The following CDC34 variants were observed in gnomAD, a reference collection of about 807,000 sequenced individuals.
The protein encoded by CDC34 is cell division cycle 34, ubiquitin conjugating enzyme.
In CDC34, 18 loss-of-function variants were observed where a neutral mutation model predicts 26.8. That is an observed-to-expected ratio of 0.67 (90% CI 0.47 to 1.00). The LOEUF (loss-of-function observed/expected upper bound fraction) is 1.00, where lower values mean the gene tolerates loss of function less well. CDC34 is among the 50% of genes least tolerant of loss of function. The pLI is 0.00. For missense variants in CDC34, 280 were observed against 334.5 expected, an observed-to-expected ratio of 0.84 and a Z score of 1.27; for synonymous variants, 178 against 147.5, an observed-to-expected ratio of 1.21 and a Z score of -1.50.
intron 4 of CDC34, 102 bp from the exon 5 acceptor site, chr19:541,236 GA>G: frequency 7.1e-7 from 1 of 1,404,136 alleles, no homozygotes; most frequent in South Asian, 1.5e-5. Context: ...CGTTTTAAGA[GA>G]AACCTGAGCG....
Position 541,540 on chromosome 19 carries a change from G to A in CDC34, c.699G>A (p.Thr233=), listed in dbSNP as rs146221392. The A allele has an allele frequency of 3.1e-6, 5 of 1,591,376 alleles. No homozygotes were observed. Among genetic ancestry groups the A allele is most frequent in the East Asian group, 2.2e-5 (1 of 44,522 alleles). The part of the protein sequence containing the change: ...CFGDDEDDSG[T]EES The stretch of plus-strand genomic sequence containing the variant: ...GGGACGATGAGGATGACTCTGGCAC[G>A]GAGGAGTCCTGACACCACCAGAATA... Residue 233 remains threonine (T), a synonymous_variant, in exon 5 of 5, where the codon ACG becomes ACA. Coordinates refer to ENST00000215574, the MANE Select transcript of CDC34 (RefSeq NM_004359.2).
At chr19:541,278 G>A in intron 4 of CDC34, 61 bp from the exon 5 acceptor site, 2 of 1,464,872 alleles carry the variant, frequency 1.4e-6, no homozygotes, top group South Asian at 1.4e-5. Flanking sequence ...GGGGGAGGGG[G>A]GCCGGGCAGG....
At chr19:534,869 C>T (rs1418192165) in intron 1 of CDC34, among the ~76,000 whole-genome samples, 1 of 147,506 alleles carries the variant, frequency 6.8e-6, no homozygotes, top group African/African-American at 2.5e-5. Flanking sequence ...AGTGCCCTCC[C>T]TGTCCAGACC....
rs1979787017 is a variant in CDC34, at chr19:537,020, C to T, written c.370C>T (p.Leu124Phe). The change falls in exon 4 of 5, where the codon CTC becomes TTC. Residue 124 changes from leucine to phenylalanine, a missense_variant. By Grantham distance (22) the Leu-to-Phe change is conservative. Transcript: ENST00000215574. Reference protein sequence around the residue: ...WNPTQNVRTILLSVISLLNEP... With the variant: ...WNPTQNVRTIFLSVISLLNEP... ...GACCCACTCTCCCCACAGGACCATT[C>T]TCCTGAGTGTGATCTCCCTCCTGAA... 1.2e-6 allele frequency: 2 copies of T among 1,613,582 alleles called. No individual in the cohort carries two copies. Among genetic ancestry groups the T allele is most frequent in the African/African-American group, 2.7e-5 (2 of 74,954 alleles).
chr19:537,281 C>T, intron 4 of CDC34, 134 bp downstream of exon 4: 12 of 1,015,902 alleles, frequency 1.2e-5, no homozygotes, highest in Non-Finnish European at 1.6e-5. Context: ...TTACAGGGTG[C>T]CAGTCACAGA....
At chr19:535,788 AGGTCTTGGGGCT>A in intron 1 of CDC34, 37 bp from the exon 2 acceptor site, 1 of 1,425,598 alleles carries the variant, frequency 7.0e-7, no homozygotes, top group Middle Eastern at 1.7e-4. Flanking sequence ...GAGCTGGGGC[AGGTCTTGGGGCT>A]GGGCTGGACT....
rs973485095 is a variant in CDC34, at chr19:541,956, C to T, written c.*404C>T. On this transcript the variant is annotated 3_prime_UTR_variant, in exon 5 of 5. Coordinates refer to ENST00000215574, the MANE Select transcript of CDC34 (RefSeq NM_004359.2). ...CCTGGGAGGCCCAGGTGTAGCGGTC[C>T]GAGGGGCCCGGTCCTGCCTGTCAGC... 4 of 163,592 alleles carry T rather than the reference C, an allele frequency of 2.4e-5. No individual in the cohort carries two copies. Among genetic ancestry groups the T allele is most frequent in the Admixed American group, 6.0e-5 (1 of 16,692 alleles). The allele number at this position is 163,592 out of a possible 1,614,324, so 10.1% of individuals were successfully genotyped here.
Position 541,638 on chromosome 19 carries a change from G to C in CDC34, c.*86G>C, listed in dbSNP as rs1046389708. On this transcript the variant is annotated 3_prime_UTR_variant, in exon 5 of 5. Transcript: ENST00000215574. ...CGACAGACTACCTCACGGAGGTTTTGTGCTGGTCCCCGTCTCCTCTGGTTG... is the reference window on the plus strand; with the variant it reads ...CGACAGACTACCTCACGGAGGTTTTCTGCTGGTCCCCGTCTCCTCTGGTTG... 6.4e-6 allele frequency: 9 copies of C among 1,411,760 alleles called. No individual in the cohort carries two copies. The highest frequency in any genetic ancestry group is 2.9e-5 in the South Asian group (2 of 68,122). The allele number at this position is 1,411,760 out of a possible 1,614,324, so 87.5% of individuals were successfully genotyped here.
chr19:535,716 G>A (rs565504757), intron 1 of CDC34, 121 bp from the exon 2 acceptor site: 1 of 784,142 alleles, frequency 1.3e-6, no homozygotes, highest in Admixed American at 1.8e-5. Context: ...GCAGGATACG[G>A]TGTCCCTCAC....
chr19:536,957 G>T (rs1193783175), intron 3 of CDC34, 56 bp from the exon 4 acceptor site: 1 of 1,609,078 alleles, frequency 6.2e-7, no homozygotes, highest in African/African-American at 1.3e-5. Flanking sequence ...GGCCAGAGAA[G>T]AGCCGGAAGG....
intron 4 of CDC34, chr19:541,123 C>T (rs1979991692): frequency 1.7e-6 from 1 of 579,858 alleles, no homozygotes; most frequent in Non-Finnish European, 2.9e-6. Context: ...GCCCGTCCAG[C>T]CTCCCACCCG....
intron 1 of CDC34, 128 bp downstream of exon 1, chr19:532,236 G>A: frequency 2.9e-6 from 2 of 679,788 alleles, no homozygotes; most frequent in Non-Finnish European, 4.5e-6. Context: ...GCTTGGGCTC[G>A]TTTCCCTTCT....
chr19:531,875 C>T lies in CDC34; in HGVS notation c.-57C>T, dbSNP rs1979502169. 7.6e-6 allele frequency: 9 copies of T among 1,183,418 alleles called. No homozygotes were observed. Among genetic ancestry groups the T allele is most frequent in the Non-Finnish European group, 8.5e-6 (8 of 941,936 alleles). The allele number at this position is 1,183,418 out of a possible 1,614,324, so 73.3% of individuals were successfully genotyped here. A position where few individuals can be genotyped will look rare whatever the true frequency, so the allele number is the denominator to read the frequency against. ...TGCGCGGCCCGGCCCGTCTCGCGAA[C>T]TCGCGGTGGTCGCGCGGCCCCGCGC... On this transcript the variant is annotated 5_prime_UTR_variant, in exon 1 of 5. Transcript: ENST00000215574.
At chr19:535,424 G>C (rs886128349) in intron 1 of CDC34, among the ~76,000 whole-genome samples, 1 of 152,254 alleles carries the variant, frequency 6.6e-6, no homozygotes, top group Non-Finnish European at 1.5e-5. Context: ...GTGCAGCCCT[G>C]GTCCTGGGCT....
Position 536,298 on chromosome 19 carries a change from G to T in CDC34, c.320G>T (p.Gly107Val). 1.2e-6 allele frequency: 2 copies of T among 1,612,504 alleles called. No homozygotes were observed. Among genetic ancestry groups the T allele is most frequent in the East Asian group, 2.2e-5 (1 of 44,848 alleles). ...LHPPVDDPQS[G>V]ELPSERWNPT... Reference sequence around the variant, plus strand: ...CCGCCGGTGGACGACCCCCAGAGCGGGGAGCTGCCCTCAGAGAGGTGGAAC... The same window carrying T: ...CCGCCGGTGGACGACCCCCAGAGCGTGGAGCTGCCCTCAGAGAGGTGGAAC... Residue 107 changes from glycine (G) to valine (V), a missense_variant, in exon 3 of 5, where the codon GGG (glycine) becomes GTG (valine). Gly to Val is a moderately radical substitution (Grantham distance 109). Transcript: ENST00000215574.
At chr19:532,261 C>G (rs985985541) in intron 1 of CDC34, among the ~76,000 whole-genome samples, 153 bp downstream of exon 1, 3 of 152,118 alleles carry the variant, frequency 2.0e-5, no homozygotes, top group Admixed American at 6.5e-5. Flanking sequence ...CCACGTTCCC[C>G]CACCCAGCTC....
chr19:534,636 C>T (rs1979655144), intron 1 of CDC34, among the ~76,000 whole-genome samples: 2 of 70,242 alleles, frequency 2.8e-5, no homozygotes, highest in Non-Finnish European at 5.9e-5. Flanking sequence ...CCAAGACCCC[C>T]GAGTGCCCTC....
In CDC34 at chr19:536,263, C is replaced by T. The variant is rs778155319; in HGVS notation, c.285C>T (p.Ser95=). ...NIYETGDVCI[S]ILHPPVDDPQ... The stretch of plus-strand genomic sequence containing the variant: ...TGCAGACGGGGGACGTGTGTATCTC[C>T]ATCCTCCACCCGCCGGTGGACGACC... Residue 95 remains serine (S), a synonymous_variant, in exon 3 of 5, where the codon TCC becomes TCT. Coordinates refer to ENST00000215574, the MANE Select transcript of CDC34 (RefSeq NM_004359.2). 6.8e-6 allele frequency: 11 copies of T among 1,606,552 alleles called. No homozygotes were observed. Among genetic ancestry groups the T allele is most frequent in the Non-Finnish European group, 9.3e-6 (11 of 1,177,338 alleles).
At chr19:532,151 G>A in intron 1 of CDC34, 43 bp downstream of exon 1, 3 of 1,437,090 alleles carry the variant, frequency 2.1e-6, no homozygotes, top group Non-Finnish European at 2.7e-6. Flanking sequence ...GCCCACGAGC[G>A]ACCTCGGGCG....
Sources: gnomAD v4.1 joint callset for allele counts (sites outside exome capture counted in the v4.1 genomes callset) on GRCh38, gnomAD v4.1.1 for gene constraint, MANE v1.5 for transcripts, NCBI Gene and HGNC (gene_info 2026-07-23, HGNC 2026-07-21) for gene names.